Variants in UBE2W observed in about 807,000 individuals in gnomAD.
UBE2W encodes ubiquitin-conjugating enzyme E2 W.
Under a neutral mutation model 27.2 loss-of-function variants are expected in UBE2W, and 18 were observed. The ratio of observed to expected loss-of-function variants is 0.66; its 90% CI spans 0.46 to 0.98. The LOEUF is 0.98. Among genes scored for constraint, UBE2W ranks in the 50% least tolerant of loss-of-function variants. UBE2W has a pLI of 0.00. For synonymous variants in UBE2W, 53 were observed against 57.2 expected, an observed-to-expected ratio of 0.93 and a Z score of 0.33; for missense variants, 90 against 180.2, an observed-to-expected ratio of 0.50 and a Z score of 2.87.
At chr8:73,805,085 G>A (rs1563577469) in intron 5 of UBE2W, among the ~76,000 whole-genome samples, 1 of 151,964 alleles carries the variant, frequency 6.6e-6, no homozygotes, top group Non-Finnish European at 1.5e-5. Flanking sequence ...GTAATACAAT[G>A]GTAGAGTCTC....
intron 1 of UBE2W, among the ~76,000 whole-genome samples, chr8:73,867,654 T>C (rs1465017360): frequency 6.7e-6 from 1 of 150,052 alleles, no homozygotes; most frequent in Non-Finnish European, 1.5e-5. Context: ...AAGGTTTCAG[T>C]GAGCCAAGAT....
intron 1 of UBE2W, among the ~76,000 whole-genome samples, chr8:73,865,719 T>C (rs34940205): frequency 0.11 from 17,124 of 152,224 alleles, 1,038 homozygotes; most frequent in Middle Eastern, 0.18. Flanking sequence ...TCTCTATATA[T>C]TTTTAAAACC....
chr8:73,820,531 G>A (rs1448703349), intron 3 of UBE2W, among the ~76,000 whole-genome samples: 1 of 152,084 alleles, frequency 6.6e-6, no homozygotes, highest in East Asian at 1.9e-4. Context: ...TAGGACAGGA[G>A]TTCAAGACCA....
At chr8:73,844,911 C>T (rs1300862283) in intron 1 of UBE2W, among the ~76,000 whole-genome samples, 1 of 151,564 alleles carries the variant, frequency 6.6e-6, no homozygotes, top group Non-Finnish European at 1.5e-5. Flanking sequence ...CTCCGCCCGG[C>T]AGCCGCCCGG....
In UBE2W at chr8:73,786,513, GGATA is replaced by G; in HGVS notation, c.*7585_*7588del. ...ACTGTCCCTACTGTTAAAAAGTTCAGGATAGATGACTGGTAGGGAGAGAAGAAAG... is the reference window on the plus strand; with the variant it reads ...ACTGTCCCTACTGTTAAAAAGTTCAGGATGACTGGTAGGGAGAGAAGAAAG... On this transcript the variant is annotated 3_prime_UTR_variant, in exon 6 of 6. Transcript: ENST00000602593. 1 of 985,444 alleles carries G rather than the reference GGATA, an allele frequency of 1.0e-6. No individual in the cohort carries two copies. The highest frequency in any genetic ancestry group is 1.2e-6 in the Non-Finnish European group (1 of 829,948). The allele number at this position is 985,444 out of a possible 1,614,324, so 61.0% of individuals were successfully genotyped here.
chr8:73,804,817 G>A (rs376883125), intron 5 of UBE2W, among the ~76,000 whole-genome samples: 2 of 150,978 alleles, frequency 1.3e-5, no homozygotes, highest in Non-Finnish European at 2.9e-5. Context: ...TTCAACCTTC[G>A]CCACCAGGGT....
At chr8:73,873,220 T>G (rs558969995) in intron 1 of UBE2W, among the ~76,000 whole-genome samples, 2 of 152,302 alleles carry the variant, frequency 1.3e-5, no homozygotes, top group East Asian at 3.9e-4. Flanking sequence ...TTTTCTAACT[T>G]TTAATTATGT....
chr8:73,850,451 T>C (rs535374328), intron 1 of UBE2W, among the ~76,000 whole-genome samples: 6 of 152,204 alleles, frequency 3.9e-5, no homozygotes, highest in Admixed American at 1.3e-4. Flanking sequence ...GTTCATAACA[T>C]GTTAGGAGTA....
At chr8:73,801,697 G>A (rs1247545579) in intron 5 of UBE2W, among the ~76,000 whole-genome samples, 4 of 152,062 alleles carry the variant, frequency 2.6e-5, no homozygotes, top group Admixed American at 1.3e-4. Context: ...GTTTTTTAAG[G>A]CTTTTTTGTA....
intron 4 of UBE2W, among the ~76,000 whole-genome samples, chr8:73,806,568 G>A (rs566695275): frequency 2.4e-4 from 36 of 150,910 alleles, no homozygotes; most frequent in Middle Eastern, 3.4e-3. Context: ...AAAATTAGCC[G>A]GGCGTGTTGG....
chr8:73,808,343 T>C (rs1304608227), intron 4 of UBE2W, among the ~76,000 whole-genome samples: 1 of 152,244 alleles, frequency 6.6e-6, no homozygotes, highest in African/African-American at 2.4e-5. Context: ...TAAGCAAGTC[T>C]TGTGCATCAA....
chr8:73,814,880 CA>C (rs886703149), intron 3 of UBE2W, among the ~76,000 whole-genome samples: 1 of 152,104 alleles, frequency 6.6e-6, no homozygotes, highest in African/African-American at 2.4e-5. Context: ...ATGGCTTATT[CA>C]AAAGCAAGTG....
intron 3 of UBE2W, among the ~76,000 whole-genome samples, chr8:73,812,340 C>T (rs1207616435): frequency 2.0e-5 from 3 of 151,994 alleles, no homozygotes; most frequent in African/African-American, 7.3e-5. Flanking sequence ...GTAATGGCTA[C>T]GCTCTATGCA....
intron 4 of UBE2W, chr8:73,780,535 T>G (rs1440468119): frequency 8.9e-6 from 4 of 450,962 alleles, no homozygotes; most frequent in Non-Finnish European, 1.8e-5. Flanking sequence ...AAAAATTTAT[T>G]TATTTATTTA....
chr8:73,798,729 T>C (rs1019614861), intron 5 of UBE2W, among the ~76,000 whole-genome samples: 1 of 152,242 alleles, frequency 6.6e-6, no homozygotes, highest in Non-Finnish European at 1.5e-5. Context: ...AGATACTTTC[T>C]ATCTTTCCCA....
chr8:73,826,813 T>C (rs1408651470), intron 2 of UBE2W, among the ~76,000 whole-genome samples: 2 of 152,360 alleles, frequency 1.3e-5, no homozygotes, highest in South Asian at 2.1e-4. Context: ...CACCTCATAG[T>C]GTTGTTGGAA....
intron 1 of UBE2W, among the ~76,000 whole-genome samples, chr8:73,838,699 G>A (rs28472854): frequency 0.031 from 4,740 of 152,228 alleles, 228 homozygotes; most frequent in African/African-American, 0.1. Flanking sequence ...GGGTTGAGGT[G>A]TAAATTTAAG....
intron 1 of UBE2W, among the ~76,000 whole-genome samples, chr8:73,868,642 T>A (rs1156917742): frequency 1.3e-5 from 2 of 151,324 alleles, no homozygotes; most frequent in Non-Finnish European, 2.9e-5. Context: ...AGCCCTTAAC[T>A]CTGGTTAGTG....
At chr8:73,813,205 C>T (rs1451295584) in intron 3 of UBE2W, among the ~76,000 whole-genome samples, 2 of 151,558 alleles carry the variant, frequency 1.3e-5, no homozygotes, top group Non-Finnish European at 2.9e-5. Context: ...TTCACCCAGC[C>T]AATTCAGAGC....
Sources: gnomAD v4.1 joint callset for allele counts (sites outside exome capture counted in the v4.1 genomes callset) on GRCh38, gnomAD v4.1.1 for gene constraint, MANE v1.5 for transcripts, NCBI Gene and HGNC (gene_info 2026-07-23, HGNC 2026-07-21) for gene names.